The following RBFOX1 variants were observed in gnomAD, a reference collection of about 807,000 sequenced individuals.
The protein encoded by RBFOX1 is RNA binding protein fox-1 homolog 1.
A neutral mutation model predicts 57.7 loss-of-function variants in RBFOX1; 8 were observed. That is an observed-to-expected ratio of 0.14 (90% CI 0.08 to 0.25). RBFOX1 has a LOEUF of 0.25. Among genes scored for constraint, RBFOX1 ranks in the 10% least tolerant of loss-of-function variants. RBFOX1 has a pLI of 1.00. For missense variants in RBFOX1, 611 were observed against 548.5 expected, an observed-to-expected ratio of 1.11 and a Z score of -1.14; for synonymous variants, 326 against 222.4, an observed-to-expected ratio of 1.47 and a Z score of -4.15.
chr16:6,211,830 T>TTATTTATA (rs2097300340), intron 1 of RBFOX1, among the ~76,000 whole-genome samples: 2 of 149,272 alleles, frequency 1.3e-5, no homozygotes, highest in African/African-American at 4.9e-5. Context: ...TTTTATTTAT[T>TTATTTATA]TATTTATTTA....
intron 1 of RBFOX1, among the ~76,000 whole-genome samples, chr16:6,289,455 C>T (rs1036636435): frequency 3.3e-5 from 5 of 152,140 alleles, no homozygotes; most frequent in African/African-American, 1.2e-4. Flanking sequence ...TCATCCTAAT[C>T]ATTCCCTATT....
chr16:7,517,077 G>A (rs759957157), intron 4 of RBFOX1, among the ~76,000 whole-genome samples: 1 of 151,834 alleles, frequency 6.6e-6, no homozygotes, highest in Non-Finnish European at 1.5e-5. Context: ...CTTTCTGACT[G>A]TGTGATCCCA....
chr16:7,519,884 G>GTTT (rs1355096157), intron 5 of RBFOX1: 4 of 307,156 alleles, frequency 1.3e-5, no homozygotes, highest in African/African-American at 9.0e-5. Context: ...TTTTGTTTTT[G>GTTT]TTTTTGTTTT....
chr16:6,174,161 G>T (rs1318231242), intron 1 of RBFOX1, among the ~76,000 whole-genome samples: 2 of 152,130 alleles, frequency 1.3e-5, no homozygotes, highest in Non-Finnish European at 1.5e-5. Flanking sequence ...CGTCATGTTG[G>T]GTACACTTTG....
intron 15 of RBFOX1, 143 bp from the exon 16 acceptor site, chr16:7,710,476 GTTCT>G: frequency 6.6e-7 from 1 of 1,515,632 alleles, no homozygotes; most frequent in Non-Finnish European, 8.7e-7. Flanking sequence ...CCTATCTTTA[GTTCT>G]CCAAGAATGA....
chr16:6,612,793 A>C (rs1239742314), intron 2 of RBFOX1, among the ~76,000 whole-genome samples: 1 of 150,768 alleles, frequency 6.6e-6, no homozygotes, highest in East Asian at 2.0e-4. Flanking sequence ...TGGAGACTGC[A>C]GTGAGCCAAG....
intron 2 of RBFOX1, among the ~76,000 whole-genome samples, chr16:6,380,304 C>T (rs990418713): frequency 3.4e-5 from 5 of 148,610 alleles, no homozygotes; most frequent in Admixed American, 6.8e-5. Context: ...GGAAAGAGAA[C>T]AGTGACGGTG....
intron 3 of RBFOX1, among the ~76,000 whole-genome samples, chr16:6,871,688 C>T (rs918084705): frequency 5.3e-5 from 8 of 152,038 alleles, no homozygotes; most frequent in African/African-American, 1.9e-4. Flanking sequence ...CACTCTTGTC[C>T]CCATTAATCT....
intron 2 of RBFOX1, among the ~76,000 whole-genome samples, chr16:6,598,508 T>C (rs1368115852): frequency 6.6e-6 from 1 of 152,194 alleles, no homozygotes; most frequent in Non-Finnish European, 1.5e-5. Context: ...GTCAGACCGA[T>C]ATATACAAAG....
At chr16:7,456,618 TG>T (rs989072456) in intron 4 of RBFOX1, among the ~76,000 whole-genome samples, 6 of 152,204 alleles carry the variant, frequency 3.9e-5, no homozygotes, top group Non-Finnish European at 8.8e-5. Context: ...GTATTGTGGT[TG>T]GGAGAACACA....
intron 3 of RBFOX1, among the ~76,000 whole-genome samples, chr16:5,693,460 AT>A (rs897449270): frequency 1.3e-5 from 2 of 151,544 alleles, no homozygotes; most frequent in Non-Finnish European, 2.9e-5. Context: ...ATTTTATTTT[AT>A]TTTGTTTTGC....
intron 3 of RBFOX1, among the ~76,000 whole-genome samples, chr16:6,899,799 C>T (rs890633000): frequency 6.6e-5 from 10 of 152,160 alleles, no homozygotes; most frequent in Admixed American, 5.9e-4. Flanking sequence ...AGTATGGACA[C>T]CTTTTCATTG....
rs182077415 is a variant in RBFOX1, at chr16:7,346,066, G to A, written c.28-172081G>A. On this transcript the variant is annotated intron_variant, in intron 4 of 15. Coordinates refer to ENST00000550418, the MANE Select transcript of RBFOX1 (RefSeq NM_018723.4). ...TTGTTCAATTCCCACCTGTGAGTGA[G>A]AACATGCGGTGTTTGGTTTTTTGTC... 2.8e-3 allele frequency among the ~76,000 whole-genome samples: 426 copies of A among 152,272 alleles called. 2 individuals are homozygous for A. Among genetic ancestry groups the A allele is most frequent in the Admixed American group, 4.8e-3 (74 of 15,298 alleles).
At chr16:7,163,566 A>G (rs1458989249) in intron 4 of RBFOX1, among the ~76,000 whole-genome samples, 3 of 151,908 alleles carry the variant, frequency 2.0e-5, no homozygotes, top group Non-Finnish European at 4.4e-5. Flanking sequence ...TAGAATCTCA[A>G]TAAGCTCTTT....
At chr16:7,398,687 A>G (rs967392613) in intron 4 of RBFOX1, among the ~76,000 whole-genome samples, 1 of 152,234 alleles carries the variant, frequency 6.6e-6, no homozygotes, top group Non-Finnish European at 1.5e-5. Flanking sequence ...GTGATGGGCT[A>G]TGACCAGGCA....
At chr16:7,418,042 A>G (rs190154919) in intron 4 of RBFOX1, among the ~76,000 whole-genome samples, 52 of 152,230 alleles carry the variant, frequency 3.4e-4, no homozygotes, top group Non-Finnish European at 4.0e-4. Context: ...TTTTCAGATC[A>G]CATTCAGTCA....
intron 4 of RBFOX1, among the ~76,000 whole-genome samples, chr16:7,289,232 G>C (rs1012997618): frequency 3.9e-5 from 6 of 152,160 alleles, no homozygotes; most frequent in Non-Finnish European, 8.8e-5. Context: ...GAGAAAGCAA[G>C]ATTGGAAGTA....
intron 7 of RBFOX1, among the ~76,000 whole-genome samples, chr16:7,592,953 C>T (rs964560179): frequency 6.7e-6 from 1 of 149,854 alleles, no homozygotes; most frequent in African/African-American, 2.5e-5. Context: ...GTAGCAGAGA[C>T]AATAGGTACA....
At chr16:7,207,713 G>C (rs1025377082) in intron 4 of RBFOX1, among the ~76,000 whole-genome samples, 1 of 152,212 alleles carries the variant, frequency 6.6e-6, no homozygotes, top group Non-Finnish European at 1.5e-5. Context: ...GAGCTACCTA[G>C]GGTTCTCTGT....
Sources: allele counts gnomAD v4.1 joint callset (sites outside exome capture counted in the v4.1 genomes callset), GRCh38; gene constraint gnomAD v4.1.1; transcripts MANE v1.5; gene names NCBI Gene and HGNC (gene_info 2026-07-23, HGNC 2026-07-21).